Variants in FOXJ2 observed in about 807,000 individuals in gnomAD.
FOXJ2 encodes forkhead box J2.
FOXJ2 carries 18 observed loss-of-function variants against 68.4 expected under a neutral mutation model. The observed-to-expected ratio is 0.26, with a 90% CI of 0.18 to 0.39. The LOEUF (loss-of-function observed/expected upper bound fraction) is 0.39, where lower values mean the gene tolerates loss of function less well. Ranked by LOEUF, FOXJ2 falls within the 10% of genes least tolerant of loss-of-function variation. The pLI, the probability that FOXJ2 is intolerant of heterozygous loss-of-function variation, is 1.00. For synonymous variants in FOXJ2, 274 were observed against 263.2 expected (o/e 1.04, Z -0.40); for missense variants, 670 against 726.5 (o/e 0.92, Z 0.89).
At position 8,035,107 on chromosome 12, in the gene FOXJ2, G is replaced by A. The variant is rs1946880041; in HGVS notation, c.-15+1274G>A. ...GTCCTGGAAGCTACTGGTGGTATAT[G>A]AGATAGGGCACAGGTTTGTGTGGCT... On this transcript the variant is annotated intron_variant, in intron 1 of 10. Transcript: ENST00000162391. The surrounding 1 kb of genome is among the most constrained non-coding windows in gnomAD (Gnocchi z 4.0). Among the ~76,000 whole-genome samples, 1 of 152,194 alleles carries A rather than the reference G, an allele frequency of 6.6e-6. No individual in the cohort carries two copies. Among genetic ancestry groups the A allele is most frequent in the African/African-American group, 2.4e-5 (1 of 41,440 alleles).
At chr12:8,043,622 C>T in intron 3 of FOXJ2, 79 bp from the exon 4 acceptor site, 3 of 1,433,114 alleles carry the variant, frequency 2.1e-6, no homozygotes, top group Non-Finnish European at 2.0e-6. Context: ...GACAAATTTG[C>T]TCTTCATTAA....
At chr12:8,045,136 C>T (rs149131564) in intron 6 of FOXJ2, among the ~76,000 whole-genome samples, 178 bp downstream of exon 6, 80 of 152,184 alleles carry the variant, frequency 5.3e-4, no homozygotes, top group African/African-American at 1.7e-3. Flanking sequence ...CTCCGCCTCA[C>T]GGGTTCAAGC....
chr12:8,047,931 G>A lies in FOXJ2; in HGVS notation c.867G>A (p.Met289Ile). 2 of 1,612,494 alleles carry A rather than the reference G, an allele frequency of 1.2e-6. No individual in the cohort carries two copies. Among genetic ancestry groups the A allele is most frequent in the Non-Finnish European group, 1.7e-6 (2 of 1,179,084 alleles). ...TCCCACCCTCGAACAACTACTACAT[G>A]TATCAGCAGCAGCAGCCACCGCCAC... ...GDIPPSNNYY[M>I]YQQQQPPPPQ... Residue 289 changes from methionine (M) to isoleucine (I), a missense_variant, in exon 7 of 11, where the codon ATG becomes ATA. Physicochemically the swap from Met to Ile is conservative, Grantham distance 10. Around this residue, in one of 2 missense-constraint regions of FOXJ2, gnomAD observed 555 missense variants for 562.2 expected, o/e 0.99. Coordinates refer to ENST00000162391, the MANE Select transcript of FOXJ2 (RefSeq NM_018416.3).
Position 8,053,182 on chromosome 12 carries a change from G to A in FOXJ2, c.*332G>A, listed in dbSNP as rs1486787699. On this transcript the variant is annotated 3_prime_UTR_variant, in exon 11 of 11. Transcript: ENST00000162391. The surrounding 1 kb of genome is among the most constrained non-coding windows in gnomAD (Gnocchi z 4.1). ...TTTGCTAATTTAAAATCATCAGGCT[G>A]GAAGATGAAGCCATGATAGCTACAG... is the stretch of plus-strand genomic sequence containing the variant. 1 of 152,706 alleles carries A rather than the reference G, an allele frequency of 6.5e-6. No individual in the cohort carries two copies. Among genetic ancestry groups the A allele is most frequent in the Non-Finnish European group, 1.5e-5 (1 of 68,360 alleles). 9.5% of individuals were successfully genotyped at this position (152,706 alleles called of 1,614,324 possible).
At position 8,050,833 on chromosome 12, in the gene FOXJ2, C is replaced by T. The variant is rs111342084; in HGVS notation, c.1636+213C>T. ...ACAGTGTCCCCTCCCCTCCCTTCCC[C>T]TCCCTTCCTTTCCCTTCCCCTTCCC... is the stretch of plus-strand genomic sequence containing the variant. On this transcript the variant is annotated intron_variant, in intron 10 of 10. Coordinates refer to ENST00000162391, the MANE Select transcript of FOXJ2 (RefSeq NM_018416.3). 5.0e-3 allele frequency among the ~76,000 whole-genome samples: 648 copies of T among 130,034 alleles called. 15 individuals carry two copies. The East Asian group carries it at 0.051, about 10-fold the overall frequency. The allele number at this position is 130,034 out of a possible 152,430, so 85.3% of individuals were successfully genotyped here.
At chr12:8,034,207 G>C (rs1358671971) in intron 1 of FOXJ2, among the ~76,000 whole-genome samples, 1 of 152,124 alleles carries the variant, frequency 6.6e-6, no homozygotes, top group Non-Finnish European at 1.5e-5. Context: ...CTTCACCCTT[G>C]GGCCTTTTCC....
Position 8,044,213 on chromosome 12 carries a change from A to G in FOXJ2, c.618+122A>G, listed in dbSNP as rs1947004847. 5.9e-6 allele frequency: 7 copies of G among 1,196,194 alleles called. No individual in the cohort carries two copies. In the South Asian group the frequency reaches 1.9e-4, roughly 32 times the overall value. The allele number at this position is 1,196,194 out of a possible 1,614,324, so 74.1% of individuals were successfully genotyped here. On this transcript the variant is annotated intron_variant, in intron 5 of 10. Transcript: ENST00000162391. ...TATGAGGCAGATAAATTGAGAAGGA[A>G]GGGGAAGGCAAAAGAGGGAAATAGA...
chr12:8,048,164 C>T lies in FOXJ2; in HGVS notation c.1100C>T (p.Pro367Leu), dbSNP rs779412522. 6.2e-7 allele frequency: 1 copy of T among 1,613,956 alleles called. No individual in the cohort carries two copies. The highest frequency in any genetic ancestry group is 1.1e-5 in the South Asian group (1 of 91,022). Residue 367 changes from proline to leucine, a missense_variant, in exon 7 of 11, where the codon CCA becomes CTA. Transcript: ENST00000162391. Reference sequence around the variant, plus strand: ...CCTCCCCCTGTAATGGCCATGCATCCACCCCCGCTGCAGCATGGAGGCTAC... The same window carrying T: ...CCTCCCCCTGTAATGGCCATGCATCTACCCCCGCTGCAGCATGGAGGCTAC... ...YGPPPVMAMH[P>L]PPLQHGGYHP...
intron 1 of FOXJ2, among the ~76,000 whole-genome samples, chr12:8,034,476 T>C (rs1946871091): frequency 6.6e-6 from 1 of 152,170 alleles, no homozygotes; most frequent in African/African-American, 2.4e-5. Context: ...GAATCCCACA[T>C]GTTCTGAGGC....
At chr12:8,036,163 A>G (rs1946892547) in intron 1 of FOXJ2, among the ~76,000 whole-genome samples, 1 of 152,222 alleles carries the variant, frequency 6.6e-6, no homozygotes, top group South Asian at 2.1e-4. Context: ...GCTGGGATTG[A>G]AACTCAGGCA....
chr12:8,052,454 G>A (rs770481268), intron 10 of FOXJ2, among the ~76,000 whole-genome samples: 2 of 152,252 alleles, frequency 1.3e-5, no homozygotes, highest in African/African-American at 4.8e-5. Context: ...TCCTGACCTC[G>A]TGATCCGCCT....
Position 8,042,651 on chromosome 12 carries a change from T to C in FOXJ2, c.334-7T>C, listed in dbSNP as rs766052320. ...CTCAGGCCTAACTTGCTTCTCTGCC[T>C]CTCCAGAATTCAATACGGCACAACC... On this transcript the variant is annotated splice_region_variant and splice_polypyrimidine_tract_variant and intron_variant, in intron 2 of 10. Transcript: ENST00000162391. The C allele has an allele frequency of 6.2e-7, 1 of 1,614,032 alleles. No homozygotes were observed.
chr12:8,040,538 C>T lies in FOXJ2; in HGVS notation c.333+373C>T, dbSNP rs551815571. On this transcript the variant is annotated intron_variant, in intron 2 of 10. Coordinates refer to ENST00000162391, the MANE Select transcript of FOXJ2 (RefSeq NM_018416.3). This position sits in a 1 kb window ranked among gnomAD's most constrained non-coding sequence, Gnocchi z 4.0. ...CCAGGTTCAAGCGATTTTCCTGCCT[C>T]AGCTTCCTGAGTAGTTGGGATTACA... is the stretch of plus-strand genomic sequence containing the variant. Among the ~76,000 whole-genome samples, 3 of 152,134 alleles carry T rather than the reference C, an allele frequency of 2.0e-5. No individual in the cohort carries two copies. The highest frequency in any genetic ancestry group is 4.8e-5 in the African/African-American group (2 of 41,494).
At chr12:8,050,860 TCCCTTC>T (rs1226223455) in intron 10 of FOXJ2, among the ~76,000 whole-genome samples, 1 of 91,778 alleles carries the variant, frequency 1.1e-5, no homozygotes, top group African/African-American at 4.5e-5. Context: ...CCCCTTCCCT[TCCCTTC>T]CCCTTCCCTT....
intron 10 of FOXJ2, among the ~76,000 whole-genome samples, chr12:8,051,392 A>G (rs1358383070): frequency 6.6e-6 from 1 of 152,074 alleles, no homozygotes; most frequent in Non-Finnish European, 1.5e-5. Flanking sequence ...TGCCTCCCAA[A>G]GTGCTGGGAT....
At chr12:8,044,153 G>A in intron 5 of FOXJ2, 62 bp downstream of exon 5, 1 of 1,434,646 alleles carries the variant, frequency 7.0e-7, no homozygotes, top group East Asian at 2.5e-5. Flanking sequence ...ATGTCTCCCT[G>A]TTTATTCAGA....
Position 8,032,891 on chromosome 12 carries a change from G to A in FOXJ2, c.-957G>A. ...CCCTAGAGGAGGTGCTGCCGCCACA[G>A]TAGCAGGGACCGGAGTCTCGAGCCG... On this transcript the variant is annotated 5_prime_UTR_variant, in exon 1 of 11. Transcript: ENST00000162391. The surrounding 1 kb of genome is among the most constrained non-coding windows in gnomAD (Gnocchi z 4.8). The A allele has an allele frequency of 2.5e-6, 1 of 398,384 alleles. No individual in the cohort carries two copies. Among genetic ancestry groups the A allele is most frequent in the Admixed American group, 4.4e-5 (1 of 22,724 alleles). 24.7% of individuals were successfully genotyped at this position (398,384 alleles called of 1,614,324 possible). A position where few individuals can be genotyped will look rare whatever the true frequency, so the allele number is the denominator to read the frequency against.
In FOXJ2 at chr12:8,052,980, T is replaced by A; in HGVS notation, c.*130T>A. 1.9e-6 allele frequency: 1 copy of A among 537,870 alleles called. No individual in the cohort carries two copies. Among genetic ancestry groups the A allele is most frequent in the Non-Finnish European group, 3.2e-6 (1 of 309,238 alleles). The allele number at this position is 537,870 out of a possible 1,614,324, so 33.3% of individuals were successfully genotyped here. A position where few individuals can be genotyped will look rare whatever the true frequency, so the allele number is the denominator to read the frequency against. On this transcript the variant is annotated 3_prime_UTR_variant, in exon 11 of 11. Transcript: ENST00000162391. ...ATATCCTCTTTTTGTTCTTTCTCTG[T>A]CAGAGAAGCCACTGCAAGATGCTGC...
chr12:8,034,346 G>A (rs1477094932), intron 1 of FOXJ2, among the ~76,000 whole-genome samples: 2 of 152,114 alleles, frequency 1.3e-5, no homozygotes, highest in Non-Finnish European at 2.9e-5. Flanking sequence ...TAGCTCCCTT[G>A]ACAAGAAAAG....
Sources: allele counts gnomAD v4.1 joint callset (sites outside exome capture counted in the v4.1 genomes callset), GRCh38; gene constraint gnomAD v4.1.1; regional missense constraint gnomAD v4.1.1; non-coding constraint Gnocchi (gnomAD v3.1); transcripts MANE v1.5; gene names NCBI Gene and HGNC (gene_info 2026-07-23, HGNC 2026-07-21).